The following PTGR1 variants were observed in gnomAD, a reference collection of about 807,000 sequenced individuals.
PTGR1 encodes 15-oxoprostaglandin 13-reductase.
In PTGR1, 23 loss-of-function variants were observed where a neutral mutation model predicts 37.7. The ratio of observed to expected loss-of-function variants is 0.61; its 90% CI spans 0.44 to 0.86. The LOEUF (loss-of-function observed/expected upper bound fraction) is 0.86, where lower values mean the gene tolerates loss of function less well. Among genes scored for constraint, PTGR1 ranks in the 40% least tolerant of loss-of-function variants. PTGR1 has a pLI of 0.00. For synonymous variants in PTGR1, 134 were observed against 140.0 expected (o/e 0.96, Z 0.30); for missense variants, 351 against 394.3 (o/e 0.89, Z 0.93).
intron 9 of PTGR1, among the ~76,000 whole-genome samples, chr9:111,551,276 A>G (rs1337635611): frequency 6.6e-6 from 1 of 152,142 alleles, no homozygotes; most frequent in Non-Finnish European, 1.5e-5. Flanking sequence ...GTAATACATA[A>G]CTCACATTTA....
chr9:111,595,672 C>T (rs59165439), intron 2 of PTGR1, among the ~76,000 whole-genome samples: 35,493 of 151,852 alleles, frequency 0.23, 4,577 homozygotes, highest in East Asian at 0.48. Flanking sequence ...CTTGCTCTGT[C>T]GCCCAGGCTG....
chr9:111,574,869 T>C, intron 7 of PTGR1, 27 bp from the exon 8 acceptor site: 1 of 1,476,804 alleles, frequency 6.8e-7, no homozygotes, highest in Non-Finnish European at 9.4e-7. Context: ...GACAAAATGT[T>C]AAATAATCTA....
chr9:111,596,926 C>CAAAAAAAAAAA (rs71494900), intron 2 of PTGR1, among the ~76,000 whole-genome samples: 3 of 90,662 alleles, frequency 3.3e-5, no homozygotes, highest in African/African-American at 1.4e-4. Context: ...GACTCTGTCT[C>CAAAAAAAAAAA]AAAAAAAAAA....
Position 111,563,188 on chromosome 9 carries a change from T to C in PTGR1, c.923A>G (p.Asn308Ser). The change falls in exon 10 of 10, where the codon AAC becomes AGC. Residue 308 changes from asparagine to serine, a missense_variant. Physicochemically the swap from Asn to Ser is conservative, Grantham distance 46. Transcript: ENST00000407693. The part of the protein sequence containing the change: ...YKEYIIEGFE[N>S]MPAAFMGMLK... ...CATTCCCATAAATGCAGCTGGCATG[T>C]TTTCAAATCCTTCAATGATATATTC... The C allele has an allele frequency of 1.9e-6, 3 of 1,614,000 alleles. No individual in the cohort carries two copies. The highest frequency in any genetic ancestry group is 2.5e-6 in the Non-Finnish European group (3 of 1,179,932).
Position 111,568,057 on chromosome 9 carries a change from T to C in PTGR1, c.879+2034A>G, listed in dbSNP as rs529395292. ...GATTGTAAAACATGTATTTGAACAA[T>C]ATGAAATCAGTGCATCTTGAAAAAG... is the stretch of plus-strand genomic sequence containing the variant. On this transcript the variant is annotated intron_variant, in intron 9 of 9. Coordinates refer to ENST00000407693, the MANE Select transcript of PTGR1 (RefSeq NM_001146108.2). Among the ~76,000 whole-genome samples the C allele has an allele frequency of 2.6e-5, 4 of 152,336 alleles. No homozygotes were observed. In the South Asian group the frequency reaches 8.3e-4, roughly 32 times the overall value.
At chr9:111,558,990 T>C (rs554462239), downstream of PTGR1, among the ~76,000 whole-genome samples, 1 of 152,198 alleles carries the variant, frequency 6.6e-6, no homozygotes, top group South Asian at 2.1e-4. Context: ...CCTCTCAAGC[T>C]CTGACATCCT....
At position 111,562,937 on chromosome 9, in the gene PTGR1, G is replaced by A; in HGVS notation, c.*184C>T. ...AACAGTGAGGTGACTGGTTGTTGTT[G>A]ACTTTGAAACTTCCATCCTCCATCA... On this transcript the variant is annotated 3_prime_UTR_variant, in exon 10 of 10. Coordinates refer to ENST00000407693, the MANE Select transcript of PTGR1 (RefSeq NM_001146108.2). 1 of 1,386,366 alleles carries A rather than the reference G, an allele frequency of 7.2e-7. No homozygotes were observed. The highest frequency in any genetic ancestry group is 9.3e-7 in the Non-Finnish European group (1 of 1,071,816). 85.9% of individuals were successfully genotyped at this position (1,386,366 alleles called of 1,614,324 possible). A position where few individuals can be genotyped will look rare whatever the true frequency, so the allele number is the denominator to read the frequency against.
intron 4 of PTGR1, among the ~76,000 whole-genome samples, chr9:111,589,738 G>T (rs759078907): frequency 6.6e-6 from 1 of 151,822 alleles, no homozygotes; most frequent in Non-Finnish European, 1.5e-5. Context: ...TGGTTCAAAT[G>T]ATTCTCCTGC....
At chr9:111,555,037 T>C (rs1459938779) in intron 9 of PTGR1, among the ~76,000 whole-genome samples, 3 of 152,186 alleles carry the variant, frequency 2.0e-5, no homozygotes, top group East Asian at 3.8e-4. Flanking sequence ...ATGGGGGATA[T>C]AAGCCTGGCT....
chr9:111,572,160 A>G lies in PTGR1; in HGVS notation c.761-1951T>C, dbSNP rs571119495. Among the ~76,000 whole-genome samples the G allele has an allele frequency of 1.3e-4, 20 of 152,352 alleles. 1 individual carries two copies. The South Asian group carries it at 3.9e-3, about 30-fold the overall frequency. The stretch of plus-strand genomic sequence containing the variant: ...CACTGATTACTTTGAGGAAAGTAAC[A>G]TTAGCAGTTGGAAATATGAAGCTTT... On this transcript the variant is annotated intron_variant, in intron 8 of 9. Transcript: ENST00000407693.
At chr9:111,565,436 T>C (rs1184850309) in intron 9 of PTGR1, among the ~76,000 whole-genome samples, 1 of 152,234 alleles carries the variant, frequency 6.6e-6, no homozygotes, top group African/African-American at 2.4e-5. Flanking sequence ...AAAATGTTAA[T>C]AATAGGGGAA....
intron 9 of PTGR1, among the ~76,000 whole-genome samples, chr9:111,555,911 C>T (rs1299623960): frequency 6.6e-6 from 1 of 152,196 alleles, no homozygotes; most frequent in African/African-American, 2.4e-5. Context: ...GCTAATCATG[C>T]CTTCCCAACA....
rs149744957 is a variant in PTGR1 at position 111,578,942 on chromosome 9, C to T, written c.505G>A (p.Val169Ile). 6.3e-7 allele frequency: 1 copy of T among 1,583,272 alleles called. No individual in the cohort carries two copies. Among genetic ancestry groups the T allele is most frequent in the African/African-American group, 1.4e-5 (1 of 71,428 alleles). Reference sequence around the variant, plus strand: ...TCATCAGACCCTACTGCTCCAACAACTTTGCAGCCCTAAGTAGAAAAAAAA... The same window carrying T: ...TCATCAGACCCTACTGCTCCAACAATTTTGCAGCCCTAAGTAGAAAAAAAA... The part of the protein sequence containing the change: ...GQIAKLKGCK[V>I]VGAVGSDEKV... The change falls in exon 7 of 10, where the codon GTT (valine) becomes ATT (isoleucine). Residue 169 changes from valine to isoleucine, a missense_variant. Physicochemically the swap from Val to Ile is conservative, Grantham distance 29 (BLOSUM62 3). Coordinates refer to ENST00000407693, the MANE Select transcript of PTGR1 (RefSeq NM_001146108.2).
At chr9:111,581,419 G>T (rs1430039068) in intron 6 of PTGR1, among the ~76,000 whole-genome samples, 1 of 152,142 alleles carries the variant, frequency 6.6e-6, no homozygotes, top group African/African-American at 2.4e-5. Context: ...TAAGTTGCAG[G>T]CAGGATTAAA....
chr9:111,579,126 G>A (rs752196398), intron 6 of PTGR1, among the ~76,000 whole-genome samples, 175 bp from the exon 7 acceptor site: 2 of 151,324 alleles, frequency 1.3e-5, no homozygotes, highest in African/African-American at 4.9e-5. Flanking sequence ...ATCAGTCCCC[G>A]GACCATCCTA....
At chr9:111,594,188 G>T in intron 3 of PTGR1, 34 bp downstream of exon 3, 1 of 1,580,034 alleles carries the variant, frequency 6.3e-7, no homozygotes, top group Non-Finnish European at 8.7e-7. Flanking sequence ...ATTTAACACA[G>T]CATTAGCATT....
chr9:111,558,524 T>C (rs79824527), downstream of PTGR1, among the ~76,000 whole-genome samples: 11,010 of 152,158 alleles, frequency 0.072, 619 homozygotes, highest in East Asian at 0.26. Context: ...AAAAGAAAAC[T>C]GAAAATGTTG....
chr9:111,556,562 A>C (rs148556005), intron 9 of PTGR1, among the ~76,000 whole-genome samples: 142 of 152,086 alleles, frequency 9.3e-4, no homozygotes, highest in Non-Finnish European at 1.6e-3. Context: ...CCAAACCTCA[A>C]CTCTTGTCTT....
At chr9:111,583,678 C>A in intron 5 of PTGR1, 89 bp from the exon 6 acceptor site, 1 of 1,057,848 alleles carries the variant, frequency 9.5e-7, no homozygotes, top group Non-Finnish European at 1.4e-6. Flanking sequence ...TTCTCAGTGG[C>A]CCAGTGCCAT....
Sources: allele counts gnomAD v4.1 joint callset (sites outside exome capture counted in the v4.1 genomes callset), GRCh38; gene constraint gnomAD v4.1.1; transcripts MANE v1.5; gene names NCBI Gene and HGNC (gene_info 2026-07-23, HGNC 2026-07-21).